Variants in FBN1 observed in about 807,000 individuals in gnomAD.
The protein encoded by FBN1 is fibrillin 1.
A neutral mutation model predicts 365.1 loss-of-function variants in FBN1; 29 were observed. The observed-to-expected ratio is 0.08, with a 90% CI of 0.06 to 0.11. The LOEUF (loss-of-function observed/expected upper bound fraction) is 0.11, where lower values mean the gene tolerates loss of function less well. Among genes scored for constraint, FBN1 ranks in the 10% least tolerant of loss-of-function variants. The pLI is 1.00. For synonymous variants in FBN1, 1,210 were observed against 1,270.5 expected, an observed-to-expected ratio of 0.95 and a Z score of 1.01; for missense variants, 2,476 against 3,703.2, an observed-to-expected ratio of 0.67 and a Z score of 8.60.
In FBN1 at chr15:48,527,347, T is replaced by A. The variant is rs16961090; in HGVS notation, c.863-1092A>T. Among the ~76,000 whole-genome samples, 2,531 of 152,270 alleles carry A rather than the reference T, an allele frequency of 0.017. 209 individuals are homozygous for A. The East Asian group carries it at 0.24, about 14-fold the overall frequency. On this transcript the variant is annotated intron_variant, in intron 8 of 65. Coordinates refer to ENST00000316623, the MANE Select transcript of FBN1 (RefSeq NM_000138.5). The stretch of plus-strand genomic sequence containing the variant: ...CCACACACTGACAAATGTCAACAGA[T>A]ACGGCACCAGCAGAAGAAGAGAAAA...
At chr15:48,547,481 T>C (rs144663229) in intron 6 of FBN1, among the ~76,000 whole-genome samples, 2 of 152,278 alleles carry the variant, frequency 1.3e-5, no homozygotes, top group African/African-American at 2.4e-5. Context: ...CATGATAGCA[T>C]CAATTCTGAG....
chr15:48,634,876 C>G (rs1236524758), intron 2 of FBN1, among the ~76,000 whole-genome samples: 4 of 139,726 alleles, frequency 2.9e-5, no homozygotes, highest in Non-Finnish European at 6.1e-5. Flanking sequence ...CACACACACA[C>G]ACACACACAC....
chr15:48,547,721 T>TCACA (rs57915350), intron 6 of FBN1, among the ~76,000 whole-genome samples: 1,385 of 131,116 alleles, frequency 0.011, 7 homozygotes, highest in East Asian at 0.031. Flanking sequence ...CTTCTCTCTT[T>TCACA]CACACACACA....
intron 65 of FBN1, among the ~76,000 whole-genome samples, chr15:48,412,019 T>C (rs2042867567): frequency 6.6e-6 from 1 of 152,240 alleles, no homozygotes; most frequent in African/African-American, 2.4e-5. Context: ...TGGGACCACA[T>C]GTGCTGGATT....
intron 9 of FBN1, 115 bp downstream of exon 9, chr15:48,526,015 T>G: frequency 7.1e-7 from 1 of 1,399,048 alleles, no homozygotes; most frequent in Non-Finnish European, 1.0e-6. Context: ...TCCAAAAATG[T>G]ACATTTTACC....
intron 19 of FBN1, among the ~76,000 whole-genome samples, chr15:48,496,678 T>C (rs1188509616): frequency 1.3e-5 from 2 of 152,214 alleles, no homozygotes; most frequent in Non-Finnish European, 2.9e-5. Flanking sequence ...GTTTCTTCCT[T>C]ATAATAATTC....
intron 4 of FBN1, among the ~76,000 whole-genome samples, chr15:48,603,046 G>T (rs1168533187): frequency 1.3e-5 from 2 of 152,180 alleles, no homozygotes; most frequent in East Asian, 3.8e-4. Context: ...AAAGCTAACA[G>T]TAGTTTAGTG....
intron 38 of FBN1, among the ~76,000 whole-genome samples, chr15:48,466,900 C>T (rs1193361538): frequency 6.6e-6 from 1 of 151,998 alleles, no homozygotes; most frequent in Non-Finnish European, 1.5e-5. Flanking sequence ...TTAAAAAACA[C>T]ACTAAGTCCC....
At chr15:48,524,545 C>T (rs1424255067) in intron 9 of FBN1, among the ~76,000 whole-genome samples, 1 of 152,118 alleles carries the variant, frequency 6.6e-6, no homozygotes, top group African/African-American at 2.4e-5. Context: ...TTTTGTATGA[C>T]AAGTGTCTAA....
chr15:48,435,772 A>ATATATGTATGTATGTG (rs1555395092), intron 53 of FBN1, among the ~76,000 whole-genome samples: 1 of 106,346 alleles, frequency 9.4e-6, no homozygotes, highest in Non-Finnish European at 1.8e-5. Flanking sequence ...ATATGTGTAT[A>ATATATGTATGTATGTG]TGTGTGTGTG....
chr15:48,637,020 C>T (rs752556561), intron 2 of FBN1, among the ~76,000 whole-genome samples: 1 of 152,160 alleles, frequency 6.6e-6, no homozygotes, highest in Non-Finnish European at 1.5e-5. Context: ...ACAATGACTT[C>T]GTGTATGGTA....
intron 44 of FBN1, 119 bp from the exon 45 acceptor site, chr15:48,452,803 A>G (rs2141256260): frequency 1.7e-6 from 2 of 1,152,456 alleles, no homozygotes; most frequent in South Asian, 2.6e-5. Context: ...AAAAGACAAC[A>G]TAGATGTGTA....
intron 6 of FBN1, among the ~76,000 whole-genome samples, chr15:48,589,395 T>G (rs143071752): frequency 2.2e-4 from 34 of 152,192 alleles, no homozygotes; most frequent in African/African-American, 7.7e-4. Flanking sequence ...ATGTGCAGCC[T>G]GCGAGACAGA....
intron 32 of FBN1, among the ~76,000 whole-genome samples, chr15:48,476,084 T>C (rs1597554975): frequency 6.6e-6 from 1 of 152,200 alleles, no homozygotes; most frequent in Non-Finnish European, 1.5e-5. Flanking sequence ...TAATTGAGCA[T>C]GGCACATTCC....
At chr15:48,440,560 T>A (rs1252290534) in intron 50 of FBN1, among the ~76,000 whole-genome samples, 2 of 152,208 alleles carry the variant, frequency 1.3e-5, no homozygotes, top group Non-Finnish European at 2.9e-5. Context: ...CACAGACCAC[T>A]GACAACTACC....
intron 44 of FBN1, among the ~76,000 whole-genome samples, chr15:48,455,780 G>A (rs1419283983): frequency 1.3e-5 from 2 of 152,150 alleles, no homozygotes. Flanking sequence ...ACAAGTATGT[G>A]GTTAGGACTA....
At chr15:48,425,246 C>CT in intron 60 of FBN1, 123 bp downstream of exon 60, 1 of 1,352,928 alleles carries the variant, frequency 7.4e-7, no homozygotes, top group East Asian at 2.3e-5. Context: ...AGGCATTAAC[C>CT]CCAGGGAAGC....
intron 8 of FBN1, among the ~76,000 whole-genome samples, chr15:48,532,759 A>G (rs1215864025): frequency 1.3e-5 from 2 of 152,158 alleles, no homozygotes; most frequent in Non-Finnish European, 2.9e-5. Flanking sequence ...TCTGCTTCAA[A>G]TTTAGATCTA....
intron 6 of FBN1, among the ~76,000 whole-genome samples, chr15:48,551,576 C>T (rs955037222): frequency 2.0e-5 from 3 of 149,984 alleles, no homozygotes; most frequent in Non-Finnish European, 3.0e-5. Flanking sequence ...CATAGGTAAA[C>T]TTGTGTCAAG....
Sources: gnomAD v4.1 joint callset for allele counts (sites outside exome capture counted in the v4.1 genomes callset) on GRCh38, gnomAD v4.1.1 for gene constraint, MANE v1.5 for transcripts, NCBI Gene and HGNC (gene_info 2026-07-23, HGNC 2026-07-21) for gene names.